Variants in UBE2V1 observed in about 807,000 individuals in gnomAD.
UBE2V1 encodes the protein ubiquitin conjugating enzyme E2 V1, also known as ubiquitin-conjugating enzyme E2 variant 1.
UBE2V1 carries 15 observed loss-of-function variants against 19.6 expected under a neutral mutation model. The observed-to-expected ratio is 0.77, with a 90% CI of 0.51 to 1.18. The LOEUF is 1.18. UBE2V1 is among the 50% of genes most tolerant of loss of function. The pLI is 0.00. For missense variants in UBE2V1, 125 were observed against 184.8 expected (o/e 0.68, Z 1.88); for synonymous variants, 60 against 60.7 (o/e 0.99, Z 0.05).
chr20:50,104,337 C>A (rs546783828), intron 1 of UBE2V1: 1 of 982,580 alleles, frequency 1.0e-6, no homozygotes, highest in East Asian at 1.2e-4. Flanking sequence ...CTACTGGGTC[C>A]AAAATATTGG....
chr20:50,082,538 G>A lies in UBE2V1; in HGVS notation c.*230C>T. On this transcript the variant is annotated 3_prime_UTR_variant, in exon 4 of 4. Coordinates refer to ENST00000371674, the MANE Select transcript of UBE2V1 (RefSeq NM_001032288.3). ...TCCCAGAAGTTCAACTACGTGGACA[G>A]TGGTTACACTTGACAGGATGATTTG... The A allele has an allele frequency of 1.4e-6, 1 of 703,770 alleles. No homozygotes were observed. The highest frequency in any genetic ancestry group is 2.1e-6 in the Non-Finnish European group (1 of 467,950). 43.6% of individuals were successfully genotyped at this position (703,770 alleles called of 1,614,324 possible).
chr20:50,115,386 T>G, upstream of UBE2V1: 1 of 1,373,678 alleles, frequency 7.3e-7, no homozygotes, highest in Non-Finnish European at 9.5e-7. Context: ...GTGATACAAG[T>G]TTGCTTTGGG....
At chr20:50,098,163 AAAG>A (rs1352262956) in intron 1 of UBE2V1, among the ~76,000 whole-genome samples, 2 of 152,194 alleles carry the variant, frequency 1.3e-5, no homozygotes, top group Non-Finnish European at 2.9e-5. Context: ...CTAAAGACCT[AAAG>A]AAGGTGAGAG....
intron 2 of UBE2V1, among the ~76,000 whole-genome samples, chr20:50,088,573 C>T (rs1190730999): frequency 1.3e-5 from 2 of 152,168 alleles, no homozygotes; most frequent in East Asian, 3.9e-4. Context: ...ACTGCGTGAG[C>T]CCAGGAGTTC....
chr20:50,092,864 C>T (rs142302474), intron 2 of UBE2V1, among the ~76,000 whole-genome samples: 1 of 152,358 alleles, frequency 6.6e-6, no homozygotes, highest in East Asian at 1.9e-4. Context: ...TCCACTCCAG[C>T]CCTAGCCAGC....
chr20:50,086,420 A>G (rs1269494720), intron 2 of UBE2V1, among the ~76,000 whole-genome samples: 1 of 152,178 alleles, frequency 6.6e-6, no homozygotes, highest in Non-Finnish European at 1.5e-5. Flanking sequence ...TTTATATTAT[A>G]AAATAAACAC....
At chr20:50,089,505 C>T (rs1294862364) in intron 2 of UBE2V1, among the ~76,000 whole-genome samples, 1 of 152,216 alleles carries the variant, frequency 6.6e-6, no homozygotes, top group Non-Finnish European at 1.5e-5. Flanking sequence ...TCTTGTGTCC[C>T]TGACTGGTGG....
intron 1 of UBE2V1, among the ~76,000 whole-genome samples, chr20:50,112,070 C>A (rs2080790034): frequency 6.6e-6 from 1 of 152,218 alleles, no homozygotes; most frequent in Admixed American, 6.5e-5. Context: ...ACCCACATAT[C>A]TGTCCCAATT....
intron 2 of UBE2V1, among the ~76,000 whole-genome samples, chr20:50,090,461 G>A (rs1417942505): frequency 2.1e-5 from 3 of 141,582 alleles, no homozygotes; most frequent in Admixed American, 1.5e-4. Context: ...GCAACAGTGC[G>A]AGACTCTGTC....
rs200222788 is a variant in UBE2V1, at chr20:50,084,891, C to CTTTT, written c.172-641_172-638dup. ...GTGAGGCAGCACAGGGAAAAGCAGTCTTTTTTTTTTTTTTTTTTTTTTGAG... is the reference window on the plus strand; with the variant it reads ...GTGAGGCAGCACAGGGAAAAGCAGTCTTTTTTTTTTTTTTTTTTTTTTTTTTGAG... On this transcript the variant is annotated intron_variant, in intron 2 of 3. Coordinates refer to ENST00000371674, the MANE Select transcript of UBE2V1 (RefSeq NM_001032288.3). The CTTTT allele has an allele frequency of 1.3e-3, 147 of 109,646 alleles. 1 individual carries two copies. Among genetic ancestry groups the CTTTT allele is most frequent in the Middle Eastern group, 4.0e-3 (1 of 248 alleles). The allele number at this position is 109,646 out of a possible 1,614,324, so 6.8% of individuals were successfully genotyped here. A position where few individuals can be genotyped will look rare whatever the true frequency, so the allele number is the denominator to read the frequency against.
At chr20:50,090,912 T>C (rs976382705) in intron 2 of UBE2V1, among the ~76,000 whole-genome samples, 3 of 152,206 alleles carry the variant, frequency 2.0e-5, no homozygotes, top group Admixed American at 1.3e-4. Flanking sequence ...CTTGGATATA[T>C]ACAGCTTTTA....
chr20:50,112,421 G>A (rs2080816646), intron 1 of UBE2V1, among the ~76,000 whole-genome samples: 1 of 152,116 alleles, frequency 6.6e-6, no homozygotes, highest in African/African-American at 2.4e-5. Flanking sequence ...CACTATCACC[G>A]CTATTAGGTC....
intron 1 of UBE2V1, chr20:50,104,433 G>A (rs1205060115): frequency 1.6e-5 from 12 of 762,756 alleles, no homozygotes; most frequent in Middle Eastern, 6.7e-4. Flanking sequence ...CGAGGCGGGC[G>A]GATCACGAGG....
chr20:50,098,516 CG>C (rs2079780642), intron 1 of UBE2V1, among the ~76,000 whole-genome samples: 2 of 152,094 alleles, frequency 1.3e-5, no homozygotes, highest in Non-Finnish European at 2.9e-5. Flanking sequence ...TGAGGAGTGG[CG>C]TAATTCTAGG....
At chr20:50,087,393 C>T (rs970099725) in intron 2 of UBE2V1, among the ~76,000 whole-genome samples, 1 of 101,388 alleles carries the variant, frequency 9.9e-6, no homozygotes. Flanking sequence ...GACACTTTGT[C>T]AAAAAAAAAA....
At chr20:50,102,044 G>C (rs1051128004) in intron 1 of UBE2V1, among the ~76,000 whole-genome samples, 2 of 152,196 alleles carry the variant, frequency 1.3e-5, no homozygotes, top group Non-Finnish European at 2.9e-5. Context: ...GCATATCCAA[G>C]TCTCCTAGGT....
chr20:50,102,891 A>C (rs958976176), intron 1 of UBE2V1, among the ~76,000 whole-genome samples: 4 of 152,130 alleles, frequency 2.6e-5, no homozygotes, highest in Non-Finnish European at 5.9e-5. Context: ...TAAGTTTCTG[A>C]AGAGGCATCC....
At chr20:50,093,088 T>C (rs2079338221) in intron 2 of UBE2V1, among the ~76,000 whole-genome samples, 1 of 152,254 alleles carries the variant, frequency 6.6e-6, no homozygotes, top group South Asian at 2.1e-4. Context: ...TAAATCTGTC[T>C]CATTGTTCAA....
intron 2 of UBE2V1, among the ~76,000 whole-genome samples, chr20:50,087,033 C>T (rs1346994463): frequency 3.3e-5 from 5 of 152,054 alleles, no homozygotes; most frequent in Admixed American, 6.6e-5. Flanking sequence ...GCCGAGATTG[C>T]GCCACTGCAC....
Sources: allele counts gnomAD v4.1 joint callset (sites outside exome capture counted in the v4.1 genomes callset), GRCh38; gene constraint gnomAD v4.1.1; transcripts MANE v1.5; gene names NCBI Gene and HGNC (gene_info 2026-07-23, HGNC 2026-07-21).